NEK1: variants seen among roughly 807,000 people sequenced by gnomAD.
NEK1 encodes NIMA related kinase 1.
Under a neutral mutation model 182.1 loss-of-function variants are expected in NEK1, and 137 were observed. The ratio of observed to expected loss-of-function variants is 0.75; its 90% CI spans 0.65 to 0.87. NEK1 has a LOEUF of 0.87. NEK1 is among the 40% of genes least tolerant of loss of function. The pLI, the probability that NEK1 is intolerant of heterozygous loss-of-function variation, is 0.00. For synonymous variants in NEK1, 513 were observed against 492.2 expected, an observed-to-expected ratio of 1.04 and a Z score of -0.56; for missense variants, 1,391 against 1,494.4, an observed-to-expected ratio of 0.93 and a Z score of 1.14.
At chr4:169,515,346 T>C (rs929508584) in intron 19 of NEK1, among the ~76,000 whole-genome samples, 2 of 152,204 alleles carry the variant, frequency 1.3e-5, no homozygotes, top group African/African-American at 4.8e-5. Context: ...TGATTTTCTG[T>C]CTAGTAGTTC....
intron 23 of NEK1, among the ~76,000 whole-genome samples, chr4:169,503,628 T>A (rs1343528047): frequency 2.0e-5 from 3 of 151,936 alleles, no homozygotes; most frequent in Non-Finnish European, 2.9e-5. Flanking sequence ...GAAAAGACAA[T>A]CTCTTCAATA....
At chr4:169,569,451 CCTCCCTCTCTCCCTCCCTCCCTCT>C (rs1561432112) in intron 12 of NEK1, among the ~76,000 whole-genome samples, 2 of 127,460 alleles carry the variant, frequency 1.6e-5, no homozygotes, top group South Asian at 2.4e-4. Flanking sequence ...TCTCTCCCTC[CCTCCCTCTCTCCCTCCCTCCCTCT>C]CTCCCTCTCT....
chr4:169,597,394 G>A (rs1030783464), intron 5 of NEK1, among the ~76,000 whole-genome samples: 4 of 152,014 alleles, frequency 2.6e-5, no homozygotes, highest in Admixed American at 1.3e-4. Flanking sequence ...TAGGAAGATT[G>A]CTTGAAGCCA....
chr4:169,447,686 C>T (rs978058655), intron 27 of NEK1, among the ~76,000 whole-genome samples: 2 of 151,902 alleles, frequency 1.3e-5, no homozygotes, highest in Non-Finnish European at 2.9e-5. Context: ...GGCCAACATG[C>T]TAAAATCCCA....
intron 18 of NEK1, 56 bp from the exon 19 acceptor site, chr4:169,537,967 T>A: frequency 7.9e-7 from 1 of 1,267,594 alleles, no homozygotes. Context: ...TTCTAAAAAG[T>A]TAAAAATTAC....
In NEK1 at chr4:169,565,115, C is replaced by T. The variant is rs576102586; in HGVS notation, c.1021-2919G>A. Among the ~76,000 whole-genome samples, 3 of 152,266 alleles carry T rather than the reference C, an allele frequency of 2.0e-5. No individual in the cohort carries two copies. The South Asian group carries it at 6.2e-4, about 32-fold the overall frequency. On this transcript the variant is annotated intron_variant, in intron 12 of 35. Coordinates refer to ENST00000507142, the MANE Select transcript of NEK1 (RefSeq NM_001199397.3). ...AACTCTTACTTAAGCTAACCATTTA[C>T]GTTACCACTTTACCTCAGAAAAGAC...
chr4:169,596,010 A>T (rs1343595800), intron 5 of NEK1, among the ~76,000 whole-genome samples: 1 of 151,894 alleles, frequency 6.6e-6, no homozygotes, highest in East Asian at 1.9e-4. Flanking sequence ...TCTAACTTAC[A>T]GGGTCCCTGC....
rs1244481887 is a variant in NEK1, at chr4:169,585,354, G to T, written c.802C>A (p.Pro268Thr). 6.2e-7 allele frequency: 1 copy of T among 1,612,194 alleles called. No homozygotes were observed. Among genetic ancestry groups the T allele is most frequent in the Non-Finnish European group, 8.5e-7 (1 of 1,178,820 alleles). The change falls in exon 10 of 36, where the codon CCT (proline) becomes ACT (threonine). Residue 268 changes from proline to threonine, a missense_variant. Physicochemically the swap from Pro to Thr is conservative, Grantham distance 38 (BLOSUM62 -1). Around this residue, in one of 5 missense-constraint regions of NEK1, gnomAD observed 1,216 missense variants for 1,277.6 expected, o/e 0.95. Coordinates refer to ENST00000507142, the MANE Select transcript of NEK1 (RefSeq NM_001199397.3). ...IAKRIEKFLS[P>T]QLIAEEFCLK... ...TTAAAGGAAAAAGAACTTACCTGAGGAGAGAGAAACTTTTCAATGCGTTTG... is the reference window on the plus strand; with the variant it reads ...TTAAAGGAAAAAGAACTTACCTGAGTAGAGAGAAACTTTTCAATGCGTTTG...
chr4:169,407,679 A>C (rs1203670553), intron 31 of NEK1, among the ~76,000 whole-genome samples: 2 of 152,240 alleles, frequency 1.3e-5, no homozygotes, highest in African/African-American at 2.4e-5. Context: ...AACTACATAC[A>C]TAACTCTCAC....
At chr4:169,586,800 T>C (rs1767612369) in intron 9 of NEK1, among the ~76,000 whole-genome samples, 2 of 151,902 alleles carry the variant, frequency 1.3e-5, no homozygotes, top group African/African-American at 4.8e-5. Flanking sequence ...CCAAATAGTA[T>C]TAAGCAATAA....
At chr4:169,435,803 C>T (rs1738310434) in intron 28 of NEK1, among the ~76,000 whole-genome samples, 1 of 152,148 alleles carries the variant, frequency 6.6e-6, no homozygotes, top group Non-Finnish European at 1.5e-5. Context: ...TCCAAAAAAG[C>T]CCAGCTGATG....
chr4:169,457,452 A>G (rs1743106500), intron 27 of NEK1, among the ~76,000 whole-genome samples: 2 of 151,676 alleles, frequency 1.3e-5, no homozygotes, highest in South Asian at 4.2e-4. Flanking sequence ...GACTGGAGAA[A>G]AAAAAACAGA....
intron 23 of NEK1, among the ~76,000 whole-genome samples, chr4:169,496,593 A>C (rs1751340103): frequency 6.7e-6 from 1 of 150,044 alleles, no homozygotes; most frequent in South Asian, 2.1e-4. Flanking sequence ...TACATAATTT[A>C]TTGAGAGTTT....
At chr4:169,456,187 T>C (rs1268743959) in intron 27 of NEK1, among the ~76,000 whole-genome samples, 2 of 151,994 alleles carry the variant, frequency 1.3e-5, no homozygotes, top group East Asian at 1.9e-4. Context: ...AAACACAATA[T>C]ACCAATACCT....
intron 27 of NEK1, among the ~76,000 whole-genome samples, chr4:169,452,749 G>A (rs1251571478): frequency 6.6e-6 from 1 of 152,112 alleles, no homozygotes; most frequent in Non-Finnish European, 1.5e-5. Context: ...TTTGAAAACT[G>A]GCACAAGACA....
intron 4 of NEK1, among the ~76,000 whole-genome samples, chr4:169,600,179 T>A (rs1671417592): frequency 6.6e-6 from 1 of 152,178 alleles, no homozygotes; most frequent in South Asian, 2.1e-4. Context: ...TTTCACTGAC[T>A]GTGCTATGGC....
chr4:169,576,815 C>T, intron 12 of NEK1, 113 bp downstream of exon 12: 7 of 1,051,746 alleles, frequency 6.7e-6, no homozygotes, highest in Non-Finnish European at 9.7e-6. Context: ...GAGGACATTC[C>T]TTGGTAACTT....
chr4:169,462,218 T>A (rs1744099694), intron 27 of NEK1, among the ~76,000 whole-genome samples: 2 of 152,018 alleles, frequency 1.3e-5, no homozygotes, highest in Admixed American at 1.3e-4. Flanking sequence ...TTATTATTAT[T>A]TAAAAAAATG....
intron 27 of NEK1, among the ~76,000 whole-genome samples, chr4:169,455,337 A>G (rs1347346915): frequency 6.6e-6 from 1 of 152,154 alleles, no homozygotes; most frequent in Admixed American, 6.5e-5. Context: ...CAAAAAAAAA[A>G]AAGAAGACTC....
Sources: gnomAD v4.1 joint callset for allele counts (sites outside exome capture counted in the v4.1 genomes callset) on GRCh38, gnomAD v4.1.1 for gene constraint, gnomAD v4.1.1 regional missense constraint, MANE v1.5 for transcripts, NCBI Gene and HGNC (gene_info 2026-07-23, HGNC 2026-07-21) for gene names.